GPM6A: variants seen among roughly 807,000 people sequenced by gnomAD.
GPM6A encodes the protein glycoprotein M6A.
Under a neutral mutation model 32.1 loss-of-function variants are expected in GPM6A, and 7 were observed. The ratio of observed to expected loss-of-function variants is 0.22; its 90% CI spans 0.12 to 0.41. GPM6A has a LOEUF of 0.41. GPM6A is among the 10% of genes least tolerant of loss of function. The probability of loss-of-function intolerance (pLI) is 1.00; values close to 1 mark genes in which losing one functional copy is unlikely to be tolerated. For synonymous variants in GPM6A, 130 were observed against 123.4 expected, an observed-to-expected ratio of 1.05 and a Z score of -0.35; for missense variants, 235 against 347.2, an observed-to-expected ratio of 0.68 and a Z score of 2.57.
At chr4:175,817,759 A>C (rs1735153689) in intron 1 of GPM6A, among the ~76,000 whole-genome samples, 1 of 152,208 alleles carries the variant, frequency 6.6e-6, no homozygotes, top group South Asian at 2.1e-4. Context: ...CATGTAATAG[A>C]CTAACATCTG....
intron 1 of GPM6A, among the ~76,000 whole-genome samples, chr4:175,895,016 C>CT (rs1378408591): frequency 6.6e-6 from 1 of 152,088 alleles, no homozygotes; most frequent in South Asian, 2.1e-4. Flanking sequence ...CTTACCATCC[C>CT]TTTTTTTACT....
intron 1 of GPM6A, among the ~76,000 whole-genome samples, chr4:175,853,524 C>CT (rs1288335672): frequency 9.0e-6 from 1 of 110,554 alleles, no homozygotes; most frequent in Non-Finnish European, 1.8e-5. Flanking sequence ...TTTTTTTTAG[C>CT]TTTGCAAAGC....
chr4:175,884,226 A>G (rs1451250151), intron 1 of GPM6A, among the ~76,000 whole-genome samples: 1 of 152,238 alleles, frequency 6.6e-6, no homozygotes, highest in East Asian at 1.9e-4. Context: ...AAACTCTTCT[A>G]TGACTCAACC....
intron 1 of GPM6A, among the ~76,000 whole-genome samples, chr4:175,805,226 A>G (rs1190854115): frequency 2.0e-5 from 3 of 152,170 alleles, no homozygotes; most frequent in African/African-American, 4.8e-5. Context: ...TTTGTTGCAT[A>G]AAACAACAAT....
intron 1 of GPM6A, among the ~76,000 whole-genome samples, chr4:175,731,568 C>T (rs370166864): frequency 1.3e-5 from 2 of 152,222 alleles, no homozygotes; most frequent in African/African-American, 2.4e-5. Flanking sequence ...AGGCCAGGCT[C>T]TATAAATATT....
At chr4:175,647,636 C>A (rs1337969162) in intron 4 of GPM6A, among the ~76,000 whole-genome samples, 1 of 152,056 alleles carries the variant, frequency 6.6e-6, no homozygotes, top group African/African-American at 2.4e-5. Context: ...TATTAAATAC[C>A]TAGTCTCCTG....
At chr4:176,001,680 A>T (rs1741486918) in intron 1 of GPM6A, among the ~76,000 whole-genome samples, 1 of 152,168 alleles carries the variant, frequency 6.6e-6, no homozygotes, top group Admixed American at 6.5e-5. Flanking sequence ...CTGTTTACCC[A>T]GGTGGAATTT....
intron 1 of GPM6A, among the ~76,000 whole-genome samples, chr4:175,726,360 T>C (rs1746411124): frequency 6.6e-6 from 1 of 152,210 alleles, no homozygotes; most frequent in African/African-American, 2.4e-5. Context: ...TCTGAATCTA[T>C]AAAAAATTCT....
intron 1 of GPM6A, among the ~76,000 whole-genome samples, chr4:175,737,040 G>A (rs1560905115): frequency 6.6e-6 from 1 of 152,166 alleles, no homozygotes; most frequent in Non-Finnish European, 1.5e-5. Flanking sequence ...ACTGGTTTAT[G>A]TATTGACTAT....
At chr4:175,944,891 C>T (rs1402909148) in intron 1 of GPM6A, among the ~76,000 whole-genome samples, 1 of 151,798 alleles carries the variant, frequency 6.6e-6, no homozygotes, top group Admixed American at 6.6e-5. Flanking sequence ...TAAATACAGA[C>T]GTCTCAGTTT....
rs373290600 is a variant in GPM6A, at chr4:175,875,163, G to T, written c.-22-62914C>A. ...TACTATAAGGATGGGAGTCTACACT[G>T]CCTAGCAGCTGTGCCCTGACAGGTT... On this transcript the variant is annotated intron_variant, in intron 1 of 7. Transcript: ENST00000280187. Among the ~76,000 whole-genome samples, 6 of 152,200 alleles carry T rather than the reference G, an allele frequency of 3.9e-5. No individual in the cohort carries two copies. In the South Asian group the frequency reaches 1.0e-3, roughly 26 times the overall value.
chr4:175,743,971 A>C (rs1417329155), intron 1 of GPM6A, among the ~76,000 whole-genome samples: 2 of 151,636 alleles, frequency 1.3e-5, no homozygotes, highest in African/African-American at 4.8e-5. Context: ...AAAAAAAAAA[A>C]ACAAAAGGTC....
At chr4:175,688,424 G>T (rs1370998835) in intron 2 of GPM6A, among the ~76,000 whole-genome samples, 1 of 151,636 alleles carries the variant, frequency 6.6e-6, no homozygotes, top group Non-Finnish European at 1.5e-5. Flanking sequence ...GTGGAGATCC[G>T]GTTTTTCCAG....
chr4:175,816,578 G>A (rs1735106670), upstream of GPM6A, among the ~76,000 whole-genome samples: 1 of 152,152 alleles, frequency 6.6e-6, no homozygotes, highest in Admixed American at 6.5e-5. Flanking sequence ...AAGTGAGGGG[G>A]AAAAATGTTC....
chr4:175,650,659 G>C lies in GPM6A; in HGVS notation c.541+1175C>G, dbSNP rs567091990. Among the ~76,000 whole-genome samples the C allele has an allele frequency of 3.3e-5, 5 of 152,190 alleles. No homozygotes were observed. The South Asian group carries it at 1.0e-3, about 32-fold the overall frequency. Reference sequence around the variant, plus strand: ...TGTACTGTAGTGGATCACACTACACGGGGACTGAAGGCTTCATCTTGTAGG... The same window carrying C: ...TGTACTGTAGTGGATCACACTACACCGGGACTGAAGGCTTCATCTTGTAGG... On this transcript the variant is annotated intron_variant, in intron 4 of 6. Transcript: ENST00000393658.
At chr4:175,794,217 A>C (rs531113172) in intron 1 of GPM6A, among the ~76,000 whole-genome samples, 1 of 152,304 alleles carries the variant, frequency 6.6e-6, no homozygotes, top group South Asian at 2.1e-4. Context: ...AAAGTATCTT[A>C]TTTGTATAGT....
chr4:175,837,836 C>T (rs1242330177), intron 1 of GPM6A, among the ~76,000 whole-genome samples: 1 of 152,048 alleles, frequency 6.6e-6, no homozygotes, highest in Non-Finnish European at 1.5e-5. Context: ...GCTTGGAGAT[C>T]GCTATTTTTT....
chr4:175,756,009 G>A (rs1732508979), intron 1 of GPM6A, among the ~76,000 whole-genome samples: 3 of 152,122 alleles, frequency 2.0e-5, no homozygotes, highest in African/African-American at 2.4e-5. Flanking sequence ...TTGCTGTTCA[G>A]TAGGTAAGAA....
In GPM6A at chr4:175,747,551, T is replaced by A. The variant is rs532013977; in HGVS notation, c.38-45784A>T. Among the ~76,000 whole-genome samples, 22 of 152,318 alleles carry A rather than the reference T, an allele frequency of 1.4e-4. No individual in the cohort carries two copies. The South Asian group carries it at 4.6e-3, about 32-fold the overall frequency. ...TTGAGTTCTCAGTGAATATGTTATG[T>A]TTACACTATCCTGTAGTCTATAAAA... On this transcript the variant is annotated intron_variant, in intron 1 of 6. Coordinates refer to ENST00000393658, the MANE Select transcript of GPM6A (RefSeq NM_201591.3).
Sources: gnomAD v4.1 joint callset for allele counts (sites outside exome capture counted in the v4.1 genomes callset) on GRCh38, gnomAD v4.1.1 for gene constraint, MANE v1.5 for transcripts, NCBI Gene and HGNC (gene_info 2026-07-23, HGNC 2026-07-21) for gene names.